ZBTB7C: variants seen among roughly 807,000 people sequenced by gnomAD.
ZBTB7C encodes the protein zinc finger and BTB domain containing 7C, also known as zinc finger and BTB domain-containing protein 7C.
In ZBTB7C, 8 loss-of-function variants were observed where a neutral mutation model predicts 25.7. The ratio of observed to expected loss-of-function variants is 0.31; its 90% confidence interval spans 0.18 to 0.56. ZBTB7C has a LOEUF of 0.56. Ranked by LOEUF, ZBTB7C falls within the 20% of genes least tolerant of loss-of-function variation. The probability of loss-of-function intolerance (pLI) is 0.91; values close to 1 mark genes in which losing one functional copy is unlikely to be tolerated. For missense variants in ZBTB7C, 824 were observed against 855.2 expected, an observed-to-expected ratio of 0.96 and a Z score of 0.46; for synonymous variants, 394 against 369.0, an observed-to-expected ratio of 1.07 and a Z score of -0.78.
intron 3 of ZBTB7C, chr18:48,165,059 A>G: frequency 7.9e-7 from 1 of 1,260,698 alleles, no homozygotes; most frequent in Non-Finnish European, 1.0e-6. Context: ...CAAGAGGTAG[A>G]TCACCTTGTG....
At chr18:48,186,494 A>G (rs1250932715) in intron 2 of ZBTB7C, among the ~76,000 whole-genome samples, 1 of 152,246 alleles carries the variant, frequency 6.6e-6, no homozygotes, top group African/African-American at 2.4e-5. Flanking sequence ...AATAATGTTC[A>G]AGAGCTGACA....
At chr18:48,095,567 C>G (rs1375615208) in intron 3 of ZBTB7C, among the ~76,000 whole-genome samples, 1 of 151,942 alleles carries the variant, frequency 6.6e-6, no homozygotes, top group Non-Finnish European at 1.5e-5. Context: ...CAAAAATTAG[C>G]CAGGGGTGGT....
chr18:48,141,340 G>A (rs147117401), intron 3 of ZBTB7C, among the ~76,000 whole-genome samples: 32 of 152,204 alleles, frequency 2.1e-4, no homozygotes, highest in African/African-American at 7.0e-4. Flanking sequence ...ATTCATGCTC[G>A]CATTGATTTT....
Position 48,367,347 on chromosome 18 carries a change from C to CACATATATATAT in ZBTB7C, c.-303-28950_-303-28949insATATATATATGT, listed in dbSNP as rs372363765. 2.7e-3 allele frequency among the ~76,000 whole-genome samples: 121 copies of CACATATATATAT among 44,830 alleles called. 3 individuals are homozygous for CACATATATATAT. The highest frequency in any genetic ancestry group is 6.2e-3 in the Non-Finnish European group (110 of 17,732). The allele number at this position is 44,830 out of a possible 152,430, so 29.4% of individuals were successfully genotyped here. ...GTGTATATATATACATATATGTGTG[C>CACATATATATAT]ATATATATATATATATATATATATA... On this transcript the variant is annotated intron_variant, in intron 1 of 4. Transcript: ENST00000590800.
intron 3 of ZBTB7C, among the ~76,000 whole-genome samples, chr18:48,162,611 T>C (rs1361818556): frequency 6.6e-6 from 1 of 152,154 alleles, no homozygotes; most frequent in Non-Finnish European, 1.5e-5. Context: ...TCCAAGAGTC[T>C]TGGAGTTAGA....
At chr18:48,195,323 T>C (rs12970128) in intron 2 of ZBTB7C, among the ~76,000 whole-genome samples, 48,742 of 152,074 alleles carry the variant, frequency 0.32, 7,959 homozygotes, top group East Asian at 0.55. Flanking sequence ...CCCCACGTGT[T>C]GTGGGAGGGA....
At chr18:48,392,368 C>T (rs1040417347) in intron 1 of ZBTB7C, among the ~76,000 whole-genome samples, 4 of 152,178 alleles carry the variant, frequency 2.6e-5, no homozygotes, top group African/African-American at 4.8e-5. Flanking sequence ...CACAGAGACA[C>T]ACCCCAAAAG....
intron 2 of ZBTB7C, among the ~76,000 whole-genome samples, chr18:48,193,880 G>C (rs2042257727): frequency 6.6e-6 from 1 of 152,242 alleles, no homozygotes. Flanking sequence ...GGGTCAGCTG[G>C]GGTCTACTCC....
Position 48,040,600 on chromosome 18 carries a change from C to T in ZBTB7C, c.508G>A (p.Asp170Asn). 1.9e-6 allele frequency: 3 copies of T among 1,613,820 alleles called. No individual in the cohort carries two copies. The highest frequency in any genetic ancestry group is 2.5e-6 in the Non-Finnish European group (3 of 1,179,908). ...EEEDDDDDTE[D>N]FADQENLPDP... Reference sequence around the variant, plus strand: ...GGCAAGTTTTCTTGGTCAGCAAAGTCCTCCGTGTCATCATCGTCATCCTCC... The same window carrying T: ...GGCAAGTTTTCTTGGTCAGCAAAGTTCTCCGTGTCATCATCGTCATCCTCC... The change falls in exon 4 of 5, where the codon GAC becomes AAC. Residue 170 changes from aspartate (D) to asparagine (N), a missense_variant. By Grantham distance (23) the Asp-to-Asn change is conservative (BLOSUM62 1). Coordinates refer to ENST00000590800, the MANE Select transcript of ZBTB7C (RefSeq NM_001318841.2).
chr18:48,402,337 T>A (rs58203144), intron 1 of ZBTB7C, among the ~76,000 whole-genome samples: 5,075 of 152,186 alleles, frequency 0.033, 299 homozygotes, highest in African/African-American at 0.12. Context: ...TATGGTATAT[T>A]ACTTTAAGGA....
chr18:48,027,045 AAG>A lies in ZBTB7C; in HGVS notation c.*2213_*2214del, dbSNP rs1202360776. On this transcript the variant is annotated 3_prime_UTR_variant, in exon 5 of 5. Transcript: ENST00000590800. Reference sequence around the variant, plus strand: ...TTTACGTAGAGCAATCACATAAAAAAAGAGTTATAAATAGAAAAAATTCCAAA... The same window carrying A: ...TTTACGTAGAGCAATCACATAAAAAAAGTTATAAATAGAAAAAATTCCAAA... The A allele has an allele frequency of 1.3e-5, 2 of 152,080 alleles. No individual in the cohort carries two copies. The highest frequency in any genetic ancestry group is 2.1e-4 in the South Asian group (1 of 4,808). 9.4% of individuals were successfully genotyped at this position (152,080 alleles called of 1,614,324 possible).
chr18:48,236,301 C>T (rs979592797), intron 2 of ZBTB7C, among the ~76,000 whole-genome samples: 1 of 152,286 alleles, frequency 6.6e-6, no homozygotes, highest in African/African-American at 2.4e-5. Flanking sequence ...GGTGTAAGGC[C>T]AATGTCACCT....
chr18:48,406,558 A>G (rs1235933252), intron 1 of ZBTB7C, among the ~76,000 whole-genome samples: 1 of 152,216 alleles, frequency 6.6e-6, no homozygotes, highest in Non-Finnish European at 1.5e-5. Flanking sequence ...AGGCATCGTA[A>G]CACTGTATTA....
intron 2 of ZBTB7C, among the ~76,000 whole-genome samples, chr18:48,332,002 G>A (rs1378916802): frequency 6.6e-6 from 1 of 152,118 alleles, no homozygotes; most frequent in African/African-American, 2.4e-5. Flanking sequence ...ATTTACTTCA[G>A]TATATAACAC....
intron 2 of ZBTB7C, among the ~76,000 whole-genome samples, chr18:48,256,729 T>C (rs540724059): frequency 1.3e-5 from 2 of 152,004 alleles, no homozygotes; most frequent in South Asian, 4.1e-4. Context: ...AGGAAAGAAA[T>C]GAAAATGTAC....
At chr18:48,158,222 T>C (rs1377386742) in intron 3 of ZBTB7C, among the ~76,000 whole-genome samples, 1 of 152,226 alleles carries the variant, frequency 6.6e-6, no homozygotes, top group Non-Finnish European at 1.5e-5. Context: ...TTTGTTTTGG[T>C]GGCTGCCAAA....
chr18:48,324,149 T>C (rs1284205616), intron 2 of ZBTB7C, among the ~76,000 whole-genome samples: 1 of 152,170 alleles, frequency 6.6e-6, no homozygotes, highest in Admixed American at 6.5e-5. Context: ...ATTTGTTGTT[T>C]GTGAACTCTC....
chr18:48,205,316 A>G (rs542413363), intron 2 of ZBTB7C, among the ~76,000 whole-genome samples: 115 of 152,218 alleles, frequency 7.6e-4, no homozygotes, highest in African/African-American at 2.6e-3. Flanking sequence ...CAAAATTTTT[A>G]AATACAACTT....
chr18:48,304,023 T>C (rs973310059), intron 2 of ZBTB7C, among the ~76,000 whole-genome samples: 2 of 152,160 alleles, frequency 1.3e-5, no homozygotes, highest in African/African-American at 4.8e-5. Flanking sequence ...ATCTTGCAGA[T>C]GAAGACCTTG....
Sources: allele counts gnomAD v4.1 joint callset (sites outside exome capture counted in the v4.1 genomes callset), GRCh38; gene constraint gnomAD v4.1.1; transcripts MANE v1.5; gene names NCBI Gene and HGNC (gene_info 2026-07-23, HGNC 2026-07-21).